RANBP17: variants seen among roughly 807,000 people sequenced by gnomAD.
RANBP17 encodes the protein ran-binding protein 17.
A neutral mutation model predicts 141.2 loss-of-function variants in RANBP17; 158 were observed. The observed-to-expected ratio is 1.12, with a 90% CI of 0.98 to 1.28. RANBP17 has a LOEUF of 1.28. Ranked by LOEUF, RANBP17 falls within the 50% of genes most tolerant of loss-of-function variation. RANBP17 has a pLI of 0.00. For synonymous variants in RANBP17, 430 were observed against 450.0 expected (o/e 0.96, Z 0.56); for missense variants, 1,438 against 1,290.7 (o/e 1.11, Z -1.75).
At chr5:171,041,622 G>A (rs1030405581) in intron 14 of RANBP17, among the ~76,000 whole-genome samples, 3 of 152,008 alleles carry the variant, frequency 2.0e-5, no homozygotes, top group Non-Finnish European at 2.9e-5. Flanking sequence ...TTGCTCCTAG[G>A]CTACAAACCT....
At chr5:171,072,311 G>A (rs1784677807) in intron 14 of RANBP17, among the ~76,000 whole-genome samples, 2 of 152,170 alleles carry the variant, frequency 1.3e-5, no homozygotes, top group South Asian at 4.1e-4. Context: ...CTTAATTTTA[G>A]GCCAGGGAGA....
At position 170,893,229 on chromosome 5, in the gene RANBP17, A is replaced by G. The variant is rs546567722; in HGVS notation, c.423+676A>G. ...ACATTTAACTTACATAAATTCAGAT[A>G]TATGGACAGCCAAAAAAAAAAACCA... On this transcript the variant is annotated intron_variant, in intron 4 of 27. Coordinates refer to ENST00000523189, the MANE Select transcript of RANBP17 (RefSeq NM_022897.5). 5.5e-5 allele frequency among the ~76,000 whole-genome samples: 7 copies of G among 126,170 alleles called. No homozygotes were observed. The East Asian group carries it at 1.1e-3, about 19-fold the overall frequency. 82.8% of individuals were successfully genotyped at this position (126,170 alleles called of 152,430 possible).
chr5:170,906,786 G>T (rs1241203335), intron 5 of RANBP17, among the ~76,000 whole-genome samples: 1 of 151,622 alleles, frequency 6.6e-6, no homozygotes, highest in Non-Finnish European at 1.5e-5. Context: ...GCTGATTTTT[G>T]TGTCCATTTG....
intron 12 of RANBP17, among the ~76,000 whole-genome samples, chr5:170,939,836 C>T (rs1480653822): frequency 6.6e-6 from 1 of 152,028 alleles, no homozygotes; most frequent in Non-Finnish European, 1.5e-5. Context: ...ATTTTAAGTC[C>T]TTGTCTTATT....
At chr5:171,166,045 T>C (rs1339658732) in intron 14 of RANBP17, among the ~76,000 whole-genome samples, 1 of 152,186 alleles carries the variant, frequency 6.6e-6, no homozygotes, top group East Asian at 1.9e-4. Context: ...TTTAACCATA[T>C]ATTCTTTTTA....
intron 20 of RANBP17, 186 bp downstream of exon 20, chr5:171,205,798 C>T (rs1762545678): frequency 1.4e-6 from 1 of 691,530 alleles, no homozygotes; most frequent in Admixed American, 2.0e-5. Flanking sequence ...TTTGGAGACC[C>T]AGCTCAGAGA....
intron 14 of RANBP17, among the ~76,000 whole-genome samples, chr5:171,067,853 G>A (rs1784400311): frequency 6.6e-6 from 1 of 152,012 alleles, no homozygotes. Flanking sequence ...ATGTGTCTTT[G>A]TGTGGATCTC....
In RANBP17 at chr5:171,265,728, A is replaced by C. The variant is rs1278167340; in HGVS notation, c.2824A>C (p.Thr942Pro). The stretch of plus-strand genomic sequence containing the variant: ...CTGTACCAGTTTAGACTACATCGTC[A>C]CCTACCTCTTCAAGCACATAGCAAA... Reference protein sequence around the residue: ...SCCTSLDYIVTYLFKHIAKEG... With the variant: ...SCCTSLDYIVPYLFKHIAKEG... Residue 942 changes from threonine to proline, a missense_variant, in exon 25 of 28, where the codon ACC (threonine) becomes CCC (proline). By Grantham distance (38) the Thr-to-Pro change is conservative. Transcript: ENST00000523189. The C allele has an allele frequency of 1.2e-6, 2 of 1,614,112 alleles. No individual in the cohort carries two copies. The highest frequency in any genetic ancestry group is 1.1e-5 in the South Asian group (1 of 91,076).
At chr5:171,184,159 A>G (rs1001070335) in intron 18 of RANBP17, among the ~76,000 whole-genome samples, 2 of 152,216 alleles carry the variant, frequency 1.3e-5, no homozygotes, top group Non-Finnish European at 2.9e-5. Context: ...TGAAATGAGT[A>G]TATCAAATAG....
chr5:171,031,756 T>A (rs548941266), intron 14 of RANBP17, among the ~76,000 whole-genome samples: 2 of 152,124 alleles, frequency 1.3e-5, no homozygotes, highest in Admixed American at 6.6e-5. Flanking sequence ...TGTAATGGTA[T>A]AGGAAGAAAT....
intron 16 of RANBP17, among the ~76,000 whole-genome samples, chr5:171,181,821 C>G (rs1180957686): frequency 6.6e-6 from 1 of 152,202 alleles, no homozygotes; most frequent in Non-Finnish European, 1.5e-5. Context: ...TGTGTGAATT[C>G]TCTGCATCTT....
At chr5:171,252,954 T>C (rs972488757) in intron 24 of RANBP17, 19 of 1,437,866 alleles carry the variant, frequency 1.3e-5, no homozygotes, top group Non-Finnish European at 1.9e-5. Context: ...ACTCTGAGTC[T>C]GGTTACATCC....
chr5:170,954,539 C>CAG (rs1320495954), intron 13 of RANBP17, among the ~76,000 whole-genome samples: 2 of 151,230 alleles, frequency 1.3e-5, no homozygotes, highest in Non-Finnish European at 3.0e-5. Context: ...CACACACACA[C>CAG]ACACACCCCA....
At chr5:171,099,510 G>T (rs887923685) in intron 14 of RANBP17, among the ~76,000 whole-genome samples, 8 of 152,176 alleles carry the variant, frequency 5.3e-5, no homozygotes, top group African/African-American at 1.9e-4. Flanking sequence ...GGGCTGAGAT[G>T]TTGGGGTTTT....
At position 171,270,637 on chromosome 5, in the gene RANBP17, A is replaced by G. The variant is rs144699677; in HGVS notation, c.2943+4790A>G. Among the ~76,000 whole-genome samples the G allele has an allele frequency of 6.1e-3, 923 of 152,270 alleles. 11 individuals are homozygous for G. Among genetic ancestry groups the G allele is most frequent in the African/African-American group, 0.017 (717 of 41,554 alleles). On this transcript the variant is annotated intron_variant, in intron 25 of 27. Transcript: ENST00000523189. Reference sequence around the variant, plus strand: ...TAATACATAGTTATAGATACATAGCATTCATTTCGTTATATCACAGTGAAA... The same window carrying G: ...TAATACATAGTTATAGATACATAGCGTTCATTTCGTTATATCACAGTGAAA...
chr5:170,971,579 C>G (rs566951089), intron 14 of RANBP17, among the ~76,000 whole-genome samples: 5 of 152,226 alleles, frequency 3.3e-5, no homozygotes, highest in African/African-American at 1.2e-4. Flanking sequence ...GCCCTTGAAA[C>G]TTATTTCCAA....
rs547799983 is a variant in RANBP17, at chr5:171,270,003, T to C, written c.2943+4156T>C. Among the ~76,000 whole-genome samples the C allele has an allele frequency of 8.5e-5, 13 of 152,338 alleles. No individual in the cohort carries two copies. In the East Asian group the frequency reaches 2.5e-3, roughly 29 times the overall value. The stretch of plus-strand genomic sequence containing the variant: ...TCCCCCCAACCTGGTCCTATTTTGC[T>C]GGAAGCATAATTGCATGAGGAATGT... On this transcript the variant is annotated intron_variant, in intron 25 of 27. Coordinates refer to ENST00000523189, the MANE Select transcript of RANBP17 (RefSeq NM_022897.5).
At chr5:170,931,087 C>T (rs1433495335) in intron 12 of RANBP17, among the ~76,000 whole-genome samples, 3 of 152,220 alleles carry the variant, frequency 2.0e-5, no homozygotes, top group East Asian at 1.9e-4. Context: ...TTCCTGACTT[C>T]TTAATGATTG....
At chr5:170,950,455 A>G (rs938943232) in intron 12 of RANBP17, among the ~76,000 whole-genome samples, 1 of 152,160 alleles carries the variant, frequency 6.6e-6, no homozygotes, top group South Asian at 2.1e-4. Flanking sequence ...AAAGGAGAAC[A>G]TACAAATGGC....
Sources: gnomAD v4.1 joint callset for allele counts (sites outside exome capture counted in the v4.1 genomes callset) on GRCh38, gnomAD v4.1.1 for gene constraint, MANE v1.5 for transcripts, NCBI Gene and HGNC (gene_info 2026-07-23, HGNC 2026-07-21) for gene names.